LMLN: variants seen among roughly 807,000 people sequenced by gnomAD.
LMLN encodes leishmanolysin like peptidase.
LMLN carries 70 observed loss-of-function variants against 92.3 expected under a neutral mutation model. The observed-to-expected ratio is 0.76, with a 90% CI of 0.63 to 0.92. LMLN has a LOEUF of 0.92. Ranked by LOEUF, LMLN falls within the 40% of genes least tolerant of loss-of-function variation. The pLI is 0.00. For synonymous variants in LMLN, 308 were observed against 296.2 expected (o/e 1.04, Z -0.41); for missense variants, 691 against 814.6 (o/e 0.85, Z 1.85).
chr3:198,030,577 C>T (rs1407913848), intron 14 of LMLN, among the ~76,000 whole-genome samples: 1 of 152,192 alleles, frequency 6.6e-6, no homozygotes. Flanking sequence ...CTCTTCTGGA[C>T]ATTTCTGGCC....
chr3:198,016,128 C>T (rs1266891590), intron 11 of LMLN, among the ~76,000 whole-genome samples: 1 of 146,088 alleles, frequency 6.8e-6, no homozygotes, highest in Non-Finnish European at 1.5e-5. Flanking sequence ...GAGGTCACAG[C>T]TGTGGTGAGC....
chr3:197,987,909 G>A (rs1430910047), intron 8 of LMLN, among the ~76,000 whole-genome samples: 1 of 152,046 alleles, frequency 6.6e-6, no homozygotes, highest in Non-Finnish European at 1.5e-5. Flanking sequence ...GTATTTCCAG[G>A]ACTATAGTGA....
intron 2 of LMLN, 27 bp from the exon 3 acceptor site, chr3:197,975,015 C>T (rs771843191): frequency 8.4e-6 from 12 of 1,433,102 alleles, no homozygotes; most frequent in South Asian, 4.7e-5. Context: ...AGAGATAATC[C>T]TTATGTTTTT....
intron 8 of LMLN, among the ~76,000 whole-genome samples, chr3:197,989,370 A>G (rs1478239213): frequency 6.6e-6 from 1 of 151,890 alleles, no homozygotes; most frequent in Non-Finnish European, 1.5e-5. Context: ...ATTTTGAGAG[A>G]TTTTTACGCT....
chr3:197,968,936 C>G (rs1317360631), intron 1 of LMLN, among the ~76,000 whole-genome samples: 1 of 152,164 alleles, frequency 6.6e-6, no homozygotes, highest in Non-Finnish European at 1.5e-5. Context: ...TAAGTTATGT[C>G]TCTCAAAGAA....
At chr3:198,012,088 CGG>C (rs1308535029) in intron 11 of LMLN, among the ~76,000 whole-genome samples, 2 of 152,120 alleles carry the variant, frequency 1.3e-5, no homozygotes, top group African/African-American at 4.8e-5. Flanking sequence ...TTTTTTGAGA[CGG>C]AGTTTCACTC....
chr3:197,972,520 G>T (rs1001369201), intron 1 of LMLN, among the ~76,000 whole-genome samples: 3 of 152,100 alleles, frequency 2.0e-5, no homozygotes, highest in African/African-American at 7.2e-5. Context: ...ACACATTTCA[G>T]CTGCATTAAA....
At chr3:197,960,628 G>A (rs910729089) in intron 1 of LMLN, among the ~76,000 whole-genome samples, 188 bp downstream of exon 1, 3 of 152,182 alleles carry the variant, frequency 2.0e-5, no homozygotes, top group African/African-American at 7.2e-5. Flanking sequence ...TAGGCGCTCA[G>A]AACAGTATCA....
At chr3:198,003,718 T>TATATATAC (rs1722239209) in intron 11 of LMLN, among the ~76,000 whole-genome samples, 1 of 92,450 alleles carries the variant, frequency 1.1e-5, no homozygotes, top group Admixed American at 9.4e-5. Context: ...ATATCATACG[T>TATATATAC]AGTAAGTTTG....
At chr3:197,997,563 C>T (rs1722062256) in intron 10 of LMLN, among the ~76,000 whole-genome samples, 1 of 152,212 alleles carries the variant, frequency 6.6e-6, no homozygotes, top group South Asian at 2.1e-4. Flanking sequence ...ACAGTAAACA[C>T]TTGCACGCAG....
intron 11 of LMLN, among the ~76,000 whole-genome samples, chr3:198,012,206 A>G (rs1414445141): frequency 6.6e-6 from 1 of 152,060 alleles, no homozygotes; most frequent in Non-Finnish European, 1.5e-5. Context: ...CTGGGACTAC[A>G]GGCGCCCACC....
At chr3:198,000,451 G>T (rs1174486768) in intron 11 of LMLN, among the ~76,000 whole-genome samples, 1 of 151,928 alleles carries the variant, frequency 6.6e-6, no homozygotes, top group Non-Finnish European at 1.5e-5. Context: ...TTTTTGAGAC[G>T]GAGTGTTGCT....
At position 197,986,925 on chromosome 3, in the gene LMLN, C is replaced by T. The variant is rs542656138; in HGVS notation, c.929+1035C>T. Among the ~76,000 whole-genome samples, 14 of 149,460 alleles carry T rather than the reference C, an allele frequency of 9.4e-5. No individual in the cohort carries two copies. The East Asian group carries it at 2.1e-3, about 23-fold the overall frequency. The stretch of plus-strand genomic sequence containing the variant: ...TGTGATCTCGGCTCACTGCAAGCTC[C>T]GCCTCCAGGGTTCACGCCATTCTCC... On this transcript the variant is annotated intron_variant, in intron 8 of 15. Coordinates refer to ENST00000330198, the Ensembl canonical transcript of LMLN.
chr3:197,995,360 T>C (rs1349596687), intron 9 of LMLN, among the ~76,000 whole-genome samples: 1 of 152,160 alleles, frequency 6.6e-6, no homozygotes, highest in African/African-American at 2.4e-5. Context: ...TACACAGATA[T>C]TGGACTGAAC....
At chr3:198,002,932 A>G (rs1266482094) in intron 11 of LMLN, 83 bp from the exon 12 acceptor site, 7 of 753,626 alleles carry the variant, frequency 9.3e-6, no homozygotes, top group Non-Finnish European at 1.6e-5. Flanking sequence ...TAATGTGCTC[A>G]TTGTTGAGAT....
exon 16 of LMLN, chr3:198,039,451 A>G (rs1723337566): frequency 6.6e-6 from 1 of 152,204 alleles, no homozygotes; most frequent in Non-Finnish European, 1.5e-5. Flanking sequence ...TATTATACCT[A>G]TTTTAAATTT....
At chr3:197,960,635 A>G (rs558581415) in intron 1 of LMLN, among the ~76,000 whole-genome samples, 195 bp downstream of exon 1, 11 of 152,258 alleles carry the variant, frequency 7.2e-5, no homozygotes, top group Non-Finnish European at 1.2e-4. Flanking sequence ...TCAGAACAGT[A>G]TCACTTCTGT....
chr3:198,018,186 T>C (rs1722690368), intron 11 of LMLN, among the ~76,000 whole-genome samples: 1 of 152,234 alleles, frequency 6.6e-6, no homozygotes, highest in Admixed American at 6.5e-5. Flanking sequence ...CTTTTGGTTT[T>C]AGACAAAAAA....
At chr3:198,038,824 T>G in exon 16 of LMLN, 1 of 624,718 alleles carries the variant, frequency 1.6e-6, no homozygotes, top group East Asian at 2.8e-5. Context: ...AAGCAGAACT[T>G]CACAGCAGCC....
Sources: allele counts gnomAD v4.1 joint callset (sites outside exome capture counted in the v4.1 genomes callset), GRCh38; gene constraint gnomAD v4.1.1; transcripts MANE v1.5; gene names NCBI Gene and HGNC (gene_info 2026-07-23, HGNC 2026-07-21).